The following SPNS2 variants were observed in gnomAD, a reference collection of about 807,000 sequenced individuals.
SPNS2 encodes SPNS lysolipid transporter 2, sphingosine-1-phosphate, also known as sphingosine-1-phosphate transporter SPNS2.
SPNS2 carries 37 observed loss-of-function variants against 57.6 expected under a neutral mutation model. The observed-to-expected ratio is 0.64, with a 90% CI of 0.49 to 0.85. The LOEUF (loss-of-function observed/expected upper bound fraction) is 0.85, where lower values mean the gene tolerates loss of function less well. SPNS2 is among the 40% of genes least tolerant of loss of function. The pLI is 0.00. For missense variants in SPNS2, 831 were observed against 779.1 expected (o/e 1.07, Z -0.79); for synonymous variants, 440 against 346.9 (o/e 1.27, Z -2.98).
At chr17:4,533,925 AGGGC>A (rs1249748011) in intron 9 of SPNS2, 72 bp downstream of exon 9, 1 of 725,200 alleles carries the variant, frequency 1.4e-6, no homozygotes, top group Non-Finnish European at 2.3e-6. Flanking sequence ...GTGCCTGGGG[AGGGC>A]GGGTGAAGGG....
intron 5 of SPNS2, among the ~76,000 whole-genome samples, chr17:4,531,859 G>T (rs1184381406): frequency 5.3e-5 from 8 of 152,130 alleles, no homozygotes. Flanking sequence ...TGGAGGTTCT[G>T]TTCTGGAAAA....
chr17:4,535,508 G>C (rs1019559629), intron 9 of SPNS2, among the ~76,000 whole-genome samples: 1 of 152,228 alleles, frequency 6.6e-6, no homozygotes, highest in Non-Finnish European at 1.5e-5. Context: ...CCAGGTCCAA[G>C]GGCAGAAGCC....
Position 4,537,947 on chromosome 17 carries a change from G to A in SPNS2, c.*499G>A, listed in dbSNP as rs912360059. On this transcript the variant is annotated 3_prime_UTR_variant, in exon 13 of 13. Transcript: ENST00000329078. The stretch of plus-strand genomic sequence containing the variant: ...CGGCAGTCCCGGCTTTGAGGCTCAC[G>A]CGAGGGCCTGGTATGCAGGGACCAC... The A allele has an allele frequency of 5.8e-5, 22 of 379,514 alleles. No homozygotes were observed. Among genetic ancestry groups the A allele is most frequent in the Middle Eastern group, 3.7e-4 (1 of 2,716 alleles). The allele number at this position is 379,514 out of a possible 1,614,324, so 23.5% of individuals were successfully genotyped here.
Position 4,512,886 on chromosome 17 carries a change from C to T in SPNS2, c.371-361C>T, listed in dbSNP as rs149880131. On this transcript the variant is annotated intron_variant, in intron 1 of 12. Transcript: ENST00000329078. The surrounding 1 kb of genome is among the most constrained non-coding windows in gnomAD (Gnocchi z 5.2). ...TCTCTGAGTCATGGGCTTTGTGTTC[C>T]CCCTGAGGGAAAGGCCTATGTCTAT... Among the ~76,000 whole-genome samples the T allele has an allele frequency of 2.6e-5, 4 of 152,288 alleles. No homozygotes were observed. The highest frequency in any genetic ancestry group is 5.9e-5 in the Non-Finnish European group (4 of 68,002).
rs140679107 is a variant in SPNS2, at chr17:4,510,756, C to T, written c.371-2491C>T. On this transcript the variant is annotated intron_variant, in intron 1 of 12. Transcript: ENST00000329078. This position sits in a 1 kb window ranked among gnomAD's most constrained non-coding sequence, Gnocchi z 4.4. The stretch of plus-strand genomic sequence containing the variant: ...GAGTCCTGGAGATGACCGGCCACGG[C>T]TCCTGCCTGGCTTGTGGTCTAGTGG... Among the ~76,000 whole-genome samples the T allele has an allele frequency of 6.6e-6, 1 of 152,294 alleles. No homozygotes were observed. The highest frequency in any genetic ancestry group is 2.4e-5 in the African/African-American group (1 of 41,558).
chr17:4,509,667 T>C (rs1318678991), intron 1 of SPNS2, among the ~76,000 whole-genome samples: 1 of 152,126 alleles, frequency 6.6e-6, no homozygotes, highest in Non-Finnish European at 1.5e-5. Context: ...TGGCCCAGAG[T>C]AGGGGACGTT....
chr17:4,518,951 C>T (rs1905068724), intron 2 of SPNS2, among the ~76,000 whole-genome samples: 1 of 152,232 alleles, frequency 6.6e-6, no homozygotes, highest in South Asian at 2.1e-4. Flanking sequence ...TAGGGGATCA[C>T]AGAGCAGGTG....
chr17:4,524,539 C>T (rs952183347), intron 2 of SPNS2, among the ~76,000 whole-genome samples: 1 of 152,138 alleles, frequency 6.6e-6, no homozygotes, highest in Non-Finnish European at 1.5e-5. Flanking sequence ...CAAGAATTAG[C>T]CAAGTGTGGT....
rs1246054665 is a variant in SPNS2, at chr17:4,499,003, G to A, written c.-45G>A. The A allele has an allele frequency of 3.1e-6, 3 of 983,500 alleles. No individual in the cohort carries two copies. Among genetic ancestry groups the A allele is most frequent in the Non-Finnish European group, 3.6e-6 (3 of 827,868 alleles). 60.9% of individuals were successfully genotyped at this position (983,500 alleles called of 1,614,324 possible). A position where few individuals can be genotyped will look rare whatever the true frequency, so the allele number is the denominator to read the frequency against. On this transcript the variant is annotated 5_prime_UTR_variant, in exon 1 of 13. Coordinates refer to ENST00000329078, the MANE Select transcript of SPNS2 (RefSeq NM_001124758.3). This position sits in a 1 kb window ranked among gnomAD's most constrained non-coding sequence, Gnocchi z 5.2. ...GCACGCGCTGAGCGGGCCCAGCCTG[G>A]GCCCCGCGCCCCCCGCGCCCCCCGC... is the stretch of plus-strand genomic sequence containing the variant.
At chr17:4,530,490 C>T (rs901763875) in intron 3 of SPNS2, 142 bp from the exon 4 acceptor site, 73 of 970,894 alleles carry the variant, frequency 7.5e-5, no homozygotes, top group African/African-American at 2.0e-4. Flanking sequence ...GTGGTCTTTA[C>T]GGAGGTGCAG....
At chr17:4,507,709 C>T (rs1458716952) in intron 1 of SPNS2, among the ~76,000 whole-genome samples, 4 of 152,208 alleles carry the variant, frequency 2.6e-5, no homozygotes, top group South Asian at 2.1e-4. Context: ...GAGACAGGCT[C>T]AGGTAGGGTG....
chr17:4,508,576 G>A (rs891534925), intron 1 of SPNS2, among the ~76,000 whole-genome samples: 2 of 152,168 alleles, frequency 1.3e-5, no homozygotes, highest in African/African-American at 2.4e-5. Context: ...ATGTGTGTGC[G>A]GTGGGCACTG....
chr17:4,522,452 C>G (rs1764034236), intron 2 of SPNS2, among the ~76,000 whole-genome samples: 1 of 152,180 alleles, frequency 6.6e-6, no homozygotes. Flanking sequence ...CACCCACCAC[C>G]CACGCGCACT....
intron 11 of SPNS2, 60 bp from the exon 12 acceptor site, chr17:4,536,840 A>AGTGCCC (rs1480595292): frequency 7.2e-7 from 1 of 1,389,680 alleles, no homozygotes. Context: ...GTGCCAGAGC[A>AGTGCCC]GTGCCCGGGC....
chr17:4,521,815 C>T (rs1019314518), intron 2 of SPNS2, among the ~76,000 whole-genome samples: 5 of 152,218 alleles, frequency 3.3e-5, no homozygotes, highest in African/African-American at 7.2e-5. Flanking sequence ...TGGACAATGG[C>T]GTGTCCCCGC....
At position 4,538,491 on chromosome 17, in the gene SPNS2, T is replaced by G; in HGVS notation, c.*1043T>G. On this transcript the variant is annotated 3_prime_UTR_variant, in exon 13 of 13. Coordinates refer to ENST00000329078, the MANE Select transcript of SPNS2 (RefSeq NM_001124758.3). ...CCCCAGGGGGGGGCCAGGCCTTCGATCACCCACCTCCCATCCATGCACACA... is the reference window on the plus strand; with the variant it reads ...CCCCAGGGGGGGGCCAGGCCTTCGAGCACCCACCTCCCATCCATGCACACA... 4.7e-6 allele frequency: 1 copy of G among 213,744 alleles called. No homozygotes were observed. 13.2% of individuals were successfully genotyped at this position (213,744 alleles called of 1,614,324 possible). A position where few individuals can be genotyped will look rare whatever the true frequency, so the allele number is the denominator to read the frequency against.
At chr17:4,508,556 C>A (rs574002818) in intron 1 of SPNS2, among the ~76,000 whole-genome samples, 1 of 152,122 alleles carries the variant, frequency 6.6e-6, no homozygotes, top group Non-Finnish European at 1.5e-5. Context: ...TGCCTGGAGT[C>A]AGGGGCTGTA....
Position 4,538,534 on chromosome 17 carries a change from A to C in SPNS2, c.*1086A>C. The C allele has an allele frequency of 3.1e-6, 1 of 318,568 alleles. No homozygotes were observed. Among genetic ancestry groups the C allele is most frequent in the Non-Finnish European group, 5.9e-6 (1 of 168,566 alleles). 19.7% of individuals were successfully genotyped at this position (318,568 alleles called of 1,614,324 possible). A position where few individuals can be genotyped will look rare whatever the true frequency, so the allele number is the denominator to read the frequency against. Reference sequence around the variant, plus strand: ...TGCACACACCAGGATGCAGCTGCCAACTTCACACCAGCCCCAACCCGCTTT... The same window carrying C: ...TGCACACACCAGGATGCAGCTGCCACCTTCACACCAGCCCCAACCCGCTTT... On this transcript the variant is annotated 3_prime_UTR_variant, in exon 13 of 13. Transcript: ENST00000329078.
chr17:4,522,642 G>A (rs1451092478), intron 2 of SPNS2, among the ~76,000 whole-genome samples: 1 of 152,202 alleles, frequency 6.6e-6, no homozygotes, highest in Non-Finnish European at 1.5e-5. Context: ...AGGAGCAGCC[G>A]GGACCACGCA....
Sources: gnomAD v4.1 joint callset for allele counts (sites outside exome capture counted in the v4.1 genomes callset) on GRCh38, gnomAD v4.1.1 for gene constraint, Gnocchi (gnomAD v3.1) non-coding constraint, MANE v1.5 for transcripts, NCBI Gene and HGNC (gene_info 2026-07-23, HGNC 2026-07-21) for gene names.